CD109: variants seen among roughly 807,000 people sequenced by gnomAD.
CD109 encodes CD109 molecule, also known as CD109 antigen.
Under a neutral mutation model 165.8 loss-of-function variants are expected in CD109, and 149 were observed. The ratio of observed to expected loss-of-function variants is 0.90; its 90% CI spans 0.79 to 1.03. The LOEUF is 1.03. Ranked by LOEUF, CD109 falls within the 50% of genes least tolerant of loss-of-function variation. The probability of loss-of-function intolerance (pLI) is 0.00; values close to 1 mark genes in which losing one functional copy is unlikely to be tolerated. For missense variants in CD109, 1,712 were observed against 1,677.8 expected, an observed-to-expected ratio of 1.02 and a Z score of -0.36; for synonymous variants, 585 against 592.1, an observed-to-expected ratio of 0.99 and a Z score of 0.18.
At chr6:73,763,399 A>T (rs1773711365) in intron 9 of CD109, among the ~76,000 whole-genome samples, 177 bp from the exon 10 acceptor site, 1 of 152,174 alleles carries the variant, frequency 6.6e-6, no homozygotes. Flanking sequence ...GGGGATCCAT[A>T]GAGAACATAA....
chr6:73,690,212 C>T, the CD109 span, among the ~76,000 whole-genome samples: 1 of 152,130 alleles, frequency 6.6e-6, no homozygotes, highest in Non-Finnish European at 1.5e-5. Flanking sequence ...TAGAAGTTCT[C>T]TCTTCATTTT....
chr6:73,770,814 G>A (rs1458672227), intron 14 of CD109, among the ~76,000 whole-genome samples: 1 of 152,202 alleles, frequency 6.6e-6, no homozygotes, highest in African/African-American at 2.4e-5. Flanking sequence ...GTTCAGCGGT[G>A]ATGCGATGAC....
chr6:73,784,654 C>T (rs9442963), intron 19 of CD109, among the ~76,000 whole-genome samples: 58,600 of 152,002 alleles, frequency 0.39, 11,615 homozygotes, highest in African/African-American at 0.47. Context: ...CCTAAACTAA[C>T]CCAGGTTTAG....
chr6:73,692,956 C>A (rs1489673109), upstream of CD109, among the ~76,000 whole-genome samples: 2 of 152,076 alleles, frequency 1.3e-5, no homozygotes, highest in African/African-American at 4.8e-5. Flanking sequence ...TCTTTATTAG[C>A]AGGGTGAGAA....
intron 31 of CD109, 94 bp downstream of exon 31, chr6:73,818,629 T>C (rs924936910): frequency 5.8e-6 from 7 of 1,211,622 alleles, no homozygotes; most frequent in Non-Finnish European, 5.8e-6. Context: ...TTTAATTCAT[T>C]GTTATTTCAA....
chr6:73,789,747 A>C (rs1034284387), intron 22 of CD109, among the ~76,000 whole-genome samples: 1 of 141,946 alleles, frequency 7.0e-6, no homozygotes, highest in Non-Finnish European at 1.5e-5. Context: ...GGCGTGAGCC[A>C]CCGCGCCCGG....
intron 2 of CD109, among the ~76,000 whole-genome samples, chr6:73,719,219 G>GC (rs1479403456): frequency 6.6e-6 from 1 of 152,172 alleles, no homozygotes; most frequent in Non-Finnish European, 1.5e-5. Flanking sequence ...TGACTGAGCA[G>GC]CTTTAAAGAG....
At chr6:73,791,160 T>TATATATATATACACACATACAC (rs1774930623) in intron 22 of CD109, among the ~76,000 whole-genome samples, 1 of 33,418 alleles carries the variant, frequency 3.0e-5, no homozygotes, top group African/African-American at 1.2e-4. Context: ...TATATATATA[T>TATATATATATACACACATACAC]ATATATATAT....
Position 73,820,524 on chromosome 6 carries a change from C to G in CD109, c.4123C>G (p.Gln1375Glu). 1.2e-6 allele frequency: 2 copies of G among 1,611,506 alleles called. No homozygotes were observed. Among genetic ancestry groups the G allele is most frequent in the Non-Finnish European group, 1.7e-6 (2 of 1,178,236 alleles). ...AVRNFKVSNT[Q>E]DASVSIVDYY... ...GAGAAACTTTAAAGTTTCAAATACCCAAGATGCTTCAGTGTCCATAGTGGA... is the reference window on the plus strand; with the variant it reads ...GAGAAACTTTAAAGTTTCAAATACCGAAGATGCTTCAGTGTCCATAGTGGA... The change falls in exon 32 of 33, where the codon CAA (glutamine) becomes GAA (glutamate). Residue 1375 changes from glutamine (Q) to glutamate (E), a missense_variant. Physicochemically the swap from Gln to Glu is conservative, Grantham distance 29. Coordinates refer to ENST00000287097, the MANE Select transcript of CD109 (RefSeq NM_133493.5).
At chr6:73,703,559 A>G (rs1771156637) in intron 2 of CD109, among the ~76,000 whole-genome samples, 1 of 152,220 alleles carries the variant, frequency 6.6e-6, no homozygotes, top group African/African-American at 2.4e-5. Flanking sequence ...GTCCAGTGCT[A>G]TTTCCAGTAT....
chr6:73,749,097 C>T (rs769928679), intron 5 of CD109, among the ~76,000 whole-genome samples: 3 of 151,986 alleles, frequency 2.0e-5, no homozygotes, highest in African/African-American at 7.3e-5. Flanking sequence ...GTGTTGTATG[C>T]GAGGGTGGGA....
chr6:73,818,559 C>T (rs1476534063), intron 31 of CD109, 24 bp downstream of exon 31: 6 of 1,604,430 alleles, frequency 3.7e-6, no homozygotes, highest in Non-Finnish European at 5.1e-6. Context: ...CATAAGGTAA[C>T]TGTTGACAAA....
intron 24 of CD109, 92 bp from the exon 25 acceptor site, chr6:73,806,751 TG>T (rs1562081199): frequency 1.2e-6 from 1 of 812,186 alleles, no homozygotes; most frequent in Non-Finnish European, 1.9e-6. Flanking sequence ...AATCTTCTGA[TG>T]GGGGAAAAAG....
At chr6:73,692,119 A>G (rs1770701520), upstream of CD109, among the ~76,000 whole-genome samples, 1 of 152,112 alleles carries the variant, frequency 6.6e-6, no homozygotes, top group Non-Finnish European at 1.5e-5. Context: ...ACCACGGGGG[A>G]AATCTGCCCC....
intron 4 of CD109, among the ~76,000 whole-genome samples, chr6:73,735,353 C>T (rs1268877587): frequency 6.6e-6 from 1 of 152,134 alleles, no homozygotes; most frequent in Non-Finnish European, 1.5e-5. Context: ...AACTCATTCT[C>T]AGATTTGCGT....
intron 4 of CD109, among the ~76,000 whole-genome samples, chr6:73,734,104 T>C (rs951927772): frequency 2.0e-5 from 3 of 152,228 alleles, no homozygotes; most frequent in African/African-American, 7.2e-5. Flanking sequence ...TCACCATGCT[T>C]GGCTGGTTCA....
chr6:73,700,790 GTTTTTTTTTTTT>G (rs58140668), intron 2 of CD109, among the ~76,000 whole-genome samples: 10 of 51,478 alleles, frequency 1.9e-4, no homozygotes, highest in East Asian at 6.0e-4. Context: ...ATTGATTGTA[GTTTTTTTTTTTT>G]TTTTTTTTTT....
At position 73,756,655 on chromosome 6, in the gene CD109, T is replaced by C; in HGVS notation, c.646T>C (p.Tyr216His). 6.5e-7 allele frequency: 1 copy of C among 1,545,686 alleles called. No homozygotes were observed. The highest frequency in any genetic ancestry group is 8.7e-7 in the Non-Finnish European group (1 of 1,144,526). Residue 216 changes from tyrosine (Y) to histidine (H), a missense_variant, in exon 6 of 33, where the codon TAT (tyrosine) becomes CAT (histidine). Physicochemically the swap from Tyr to His is moderately conservative, Grantham distance 83 (BLOSUM62 2). Transcript: ENST00000287097. ...CCCTGCCCAATAGGACCAGACATAC[T>C]ATCAATCATTTCAGGTTTCAGAATA... ...IQVQVNDQTY[Y>H]QSFQVSEYVL...
chr6:73,699,944 T>C (rs1770999953), intron 2 of CD109, among the ~76,000 whole-genome samples: 1 of 152,240 alleles, frequency 6.6e-6, no homozygotes, highest in Non-Finnish European at 1.5e-5. Flanking sequence ...CATCCTTTGC[T>C]TTATCTGGCT....
Sources: allele counts gnomAD v4.1 joint callset (sites outside exome capture counted in the v4.1 genomes callset), GRCh38; gene constraint gnomAD v4.1.1; transcripts MANE v1.5; gene names NCBI Gene and HGNC (gene_info 2026-07-23, HGNC 2026-07-21).